The following EVPL variants were observed in gnomAD, a reference collection of about 807,000 sequenced individuals.
EVPL encodes the protein 210 kDa cornified envelope precursor protein.
In EVPL, 94 loss-of-function variants were observed where a neutral mutation model predicts 129.7. That is an observed-to-expected ratio of 0.72 (90% CI 0.61 to 0.86). EVPL has a LOEUF of 0.86. Among genes scored for constraint, EVPL ranks in the 40% least tolerant of loss-of-function variants. EVPL has a pLI of 0.00. For synonymous variants in EVPL, 1,172 were observed against 1,191.1 expected, an observed-to-expected ratio of 0.98 and a Z score of 0.33; for missense variants, 2,625 against 2,721.1, an observed-to-expected ratio of 0.96 and a Z score of 0.79.
At chr17:76,011,960 C>G (rs780192890) in intron 19 of EVPL, 46 bp downstream of exon 19, 1 of 1,602,096 alleles carries the variant, frequency 6.2e-7, no homozygotes, top group Non-Finnish European at 8.5e-7. Context: ...GGAAGAGGGA[C>G]AAGGGTGATG....
intron 9 of EVPL, 81 bp downstream of exon 9, chr17:76,021,387 T>G (rs2066455870): frequency 6.7e-6 from 9 of 1,344,002 alleles, no homozygotes; most frequent in Middle Eastern, 4.0e-4. Context: ...GCAGTGCCTC[T>G]CCTGTGGGCA....
chr17:76,026,801 C>T (rs1172162677), intron 1 of EVPL, among the ~76,000 whole-genome samples: 2 of 152,252 alleles, frequency 1.3e-5, no homozygotes, highest in Non-Finnish European at 2.9e-5. Flanking sequence ...CGTGCAGGCT[C>T]CTGTCCAGCA....
rs367629091 is a variant in EVPL, at chr17:76,007,579, G to A, written c.5626C>T (p.Arg1876Cys). 4 of 1,614,012 alleles carry A rather than the reference G, an allele frequency of 2.5e-6. No individual in the cohort carries two copies. Among genetic ancestry groups the A allele is most frequent in the South Asian group, 1.1e-5 (1 of 91,084 alleles). ...GGIVDLLSRE[R>C]YSVHKAMERG... ...TCCATCGCCTTGTGCACAGAGTAGC[G>A]CTCACGGCTGAGCAGGTCCACGATG... The change falls in exon 22 of 22, where the codon CGC becomes TGC. Residue 1876 changes from arginine to cysteine, a missense_variant. This residue lies in a region of EVPL where 1,453 missense variants were observed against 1,511.8 expected (regional missense o/e 0.96). Transcript: ENST00000301607. This position sits in a 1 kb window ranked among gnomAD's most constrained non-coding sequence, Gnocchi z 8.8.
rs1163564457 is a variant in EVPL at position 76,008,546 on chromosome 17, C to T, written c.4659G>A (p.Arg1553=). Residue 1553 remains arginine, a synonymous_variant, in exon 22 of 22, where the codon CGG becomes CGA. Transcript: ENST00000301607. This position sits in a 1 kb window ranked among gnomAD's most constrained non-coding sequence, Gnocchi z 7.4. The stretch of plus-strand genomic sequence containing the variant: ...CCCGCAGGCGCCGTGCCTCCTCCTC[C>T]CGGGCCTGCCGGGCCGTGCGCTCCC... ...LNRERTARQA[R]EEEARRLRER... is the part of the protein sequence containing the mutation. 1.2e-6 allele frequency: 2 copies of T among 1,608,264 alleles called. No individual in the cohort carries two copies. Among genetic ancestry groups the T allele is most frequent in the East Asian group, 2.2e-5 (1 of 44,866 alleles).
chr17:76,008,827 T>G lies in EVPL; in HGVS notation c.4378A>C (p.Ile1460Leu), dbSNP rs746741512. Reference sequence around the variant, plus strand: ...AGCTTGACCACTTCCTCCATGATGATCTTCTCCTGCACCGTGGGAGGCCGC... The same window carrying G: ...AGCTTGACCACTTCCTCCATGATGAGCTTCTCCTGCACCGTGGGAGGCCGC... Reference protein sequence around the residue: ...EKRPPTVQEKIIMEEVVKLEK... With the variant: ...EKRPPTVQEKLIMEEVVKLEK... The change falls in exon 22 of 22, where the codon ATC (isoleucine) becomes CTC (leucine). Residue 1460 changes from isoleucine (I) to leucine (L), a missense_variant. Around this residue, in one of 4 missense-constraint regions of EVPL, gnomAD observed 1,453 missense variants for 1,511.8 expected, o/e 0.96. Coordinates refer to ENST00000301607, the MANE Select transcript of EVPL (RefSeq NM_001988.4). This position sits in a 1 kb window ranked among gnomAD's most constrained non-coding sequence, Gnocchi z 7.4. 1 of 1,613,978 alleles carries G rather than the reference T, an allele frequency of 6.2e-7. No homozygotes were observed. Among genetic ancestry groups the G allele is most frequent in the Non-Finnish European group, 8.5e-7 (1 of 1,179,964 alleles).
Position 76,015,551 on chromosome 17 carries a change from C to T in EVPL, c.1788G>A (p.Thr596=), listed in dbSNP as rs146194499. Residue 596 remains threonine (T), a synonymous_variant, in exon 15 of 22, where the codon ACG becomes ACA. Transcript: ENST00000301607. ...AQKECEAFLS[T]RPVGPAALQL... ...GCAGGGCAGCGGGGCCCACGGGCCG[C>T]GTGGACAGAAACGCCTCGCACTCCT... The T allele has an allele frequency of 8.1e-6, 13 of 1,613,050 alleles. No homozygotes were observed. The African/African-American group carries it at 1.5e-4, about 18-fold the overall frequency.
rs1354760734 is a variant in EVPL, at chr17:76,021,508, C to T, written c.971G>A (p.Cys324Tyr). Reference sequence around the variant, plus strand: ...CACGTGCTGCAGCTGGGTCTCCTGGCAGATACACAGGTTCAGGAAGTTCTG... The same window carrying T: ...CACGTGCTGCAGCTGGGTCTCCTGGTAGATACACAGGTTCAGGAAGTTCTG... The part of the protein sequence containing the change: ...EWQNFLNLCI[C>Y]QETQLQHVED... The change falls in exon 9 of 22, where the codon TGC becomes TAC. Residue 324 changes from cysteine (C) to tyrosine (Y), a missense_variant. By Grantham distance (194) the Cys-to-Tyr change is radical. Around this residue, in one of 4 missense-constraint regions of EVPL, gnomAD observed 1,024 missense variants for 997.5 expected, o/e 1.03. Transcript: ENST00000301607. 2.5e-6 allele frequency: 4 copies of T among 1,610,118 alleles called. No individual in the cohort carries two copies. In the Admixed American group the frequency reaches 5.0e-5, roughly 20 times the overall value.
intron 18 of EVPL, 145 bp downstream of exon 18, chr17:76,014,281 G>T: frequency 8.5e-7 from 1 of 1,177,020 alleles, no homozygotes; most frequent in Non-Finnish European, 1.2e-6. Flanking sequence ...CCCGTCTGTG[G>T]GCAAAGAGGA....
intron 1 of EVPL, among the ~76,000 whole-genome samples, chr17:76,025,559 C>T (rs2066492775): frequency 1.3e-5 from 2 of 152,304 alleles, no homozygotes; most frequent in South Asian, 4.1e-4. Context: ...ATGGCTGCTC[C>T]CACCGGGAGC....
Position 76,012,742 on chromosome 17 carries a change from C to CT in EVPL, c.2374-654dup, listed in dbSNP as rs56349197. Among the ~76,000 whole-genome samples, 393 of 117,524 alleles carry CT rather than the reference C, an allele frequency of 3.3e-3. 1 individual carries two copies. The highest frequency in any genetic ancestry group is 7.9e-3 in the African/African-American group (242 of 30,578). The allele number at this position is 117,524 out of a possible 152,430, so 77.1% of individuals were successfully genotyped here. On this transcript the variant is annotated intron_variant, in intron 18 of 21. Coordinates refer to ENST00000301607, the MANE Select transcript of EVPL (RefSeq NM_001988.4). Reference sequence around the variant, plus strand: ...CTGAGAATTCATATTTCTTTCTTTTCTTTTTTTTTTTTTTTTTTTTGAGAC... The same window carrying CT: ...CTGAGAATTCATATTTCTTTCTTTTCTTTTTTTTTTTTTTTTTTTTTGAGAC...
intron 9 of EVPL, 120 bp from the exon 10 acceptor site, chr17:76,019,773 CAA>C: frequency 7.8e-7 from 1 of 1,285,044 alleles, no homozygotes; most frequent in Non-Finnish European, 1.0e-6. Context: ...CAGCTAAACA[CAA>C]ACCAGCTAAA....
Position 76,007,069 on chromosome 17 carries a change from C to T in EVPL, c.*34G>A. ...GGTGTACGTATCCTACCTGGCCCAA[C>T]ACACGCACTTCCCCACTGGCTCCTT... On this transcript the variant is annotated 3_prime_UTR_variant, in exon 22 of 22. Coordinates refer to ENST00000301607, the MANE Select transcript of EVPL (RefSeq NM_001988.4). This position sits in a 1 kb window ranked among gnomAD's most constrained non-coding sequence, Gnocchi z 8.8. 7.0e-7 allele frequency: 1 copy of T among 1,429,062 alleles called. No individual in the cohort carries two copies. The highest frequency in any genetic ancestry group is 1.7e-5 in the South Asian group (1 of 58,080). The allele number at this position is 1,429,062 out of a possible 1,614,324, so 88.5% of individuals were successfully genotyped here.
rs1414341060 is a variant in EVPL at position 76,008,172 on chromosome 17, C to T, written c.5033G>A (p.Arg1678Gln). 1.2e-6 allele frequency: 2 copies of T among 1,614,154 alleles called. No individual in the cohort carries two copies. Among genetic ancestry groups the T allele is most frequent in the Admixed American group, 1.7e-5 (1 of 60,034 alleles). Reference protein sequence around the residue: ...REELSQETQTRETNLSTKISI... With the variant: ...REELSQETQTQETNLSTKISI... ...GATCTTGGTGGAAAGGTTGGTCTCT[C>T]GCGTCTGGGTCTCCTGGCTGAGCTC... The change falls in exon 22 of 22, where the codon CGA becomes CAA. Residue 1678 changes from arginine to glutamine, a missense_variant. Physicochemically the swap from Arg to Gln is conservative, Grantham distance 43. This residue lies in a region of EVPL where 1,453 missense variants were observed against 1,511.8 expected (regional missense o/e 0.96). Coordinates refer to ENST00000301607, the MANE Select transcript of EVPL (RefSeq NM_001988.4). This position sits in a 1 kb window ranked among gnomAD's most constrained non-coding sequence, Gnocchi z 7.4.
In EVPL at chr17:76,008,759, C is replaced by T; in HGVS notation, c.4446G>A (p.Arg1482=). ...PDLEKSTEAL[R]WDLDQEKTQV... The stretch of plus-strand genomic sequence containing the variant: ...GGGTCTTCTCCTGGTCCAGGTCCCA[C>T]CGCAGGGCTTCCGTGGACTTCTCCA... The change falls in exon 22 of 22, where the codon CGG becomes CGA. Residue 1482 remains arginine (R), a synonymous_variant. Transcript: ENST00000301607. The surrounding 1 kb of genome is among the most constrained non-coding windows in gnomAD (Gnocchi z 7.4). 1 of 1,614,186 alleles carries T rather than the reference C, an allele frequency of 6.2e-7. No individual in the cohort carries two copies. Among genetic ancestry groups the T allele is most frequent in the Non-Finnish European group, 8.5e-7 (1 of 1,180,040 alleles).
At chr17:76,017,469 C>A (rs1172867482) in intron 14 of EVPL, among the ~76,000 whole-genome samples, 1 of 152,140 alleles carries the variant, frequency 6.6e-6, no homozygotes, top group Non-Finnish European at 1.5e-5. Context: ...CCTACTGGAA[C>A]CTTCCTGAAT....
chr17:76,011,501 G>T, intron 21 of EVPL, 75 bp downstream of exon 21: 1 of 1,299,354 alleles, frequency 7.7e-7, no homozygotes, highest in Non-Finnish European at 1.1e-6. Flanking sequence ...TGACAGCCTG[G>T]CATTTTGGGA....
rs914320714 is a variant in EVPL, at chr17:76,008,890, G to T, written c.4315C>A (p.Leu1439Met). 5 of 1,613,770 alleles carry T rather than the reference G, an allele frequency of 3.1e-6. No homozygotes were observed. The highest frequency in any genetic ancestry group is 1.6e-4 in the Middle Eastern group (1 of 6,062). Reference sequence around the variant, plus strand: ...TGGATCCTCAAGGTCAGCTGCCGCAGCTCCCTCTCCACGGCCAGCTTCTTG... The same window carrying T: ...TGGATCCTCAAGGTCAGCTGCCGCATCTCCCTCTCCACGGCCAGCTTCTTG... ...RSKKLAVERE[L>M]RQLTLRIQEL... The change falls in exon 22 of 22, where the codon CTG becomes ATG. Residue 1439 changes from leucine to methionine, a missense_variant. Leu to Met is a conservative substitution (Grantham distance 15). Around this residue, in one of 4 missense-constraint regions of EVPL, gnomAD observed 1,453 missense variants for 1,511.8 expected, o/e 0.96. Transcript: ENST00000301607. This position sits in a 1 kb window ranked among gnomAD's most constrained non-coding sequence, Gnocchi z 7.4.
Position 76,014,959 on chromosome 17 carries a change from G to T in EVPL, c.2179C>A (p.Leu727Ile). 6.3e-7 allele frequency: 1 copy of T among 1,595,286 alleles called. No individual in the cohort carries two copies. Residue 727 changes from leucine (L) to isoleucine (I), a missense_variant, in exon 17 of 22, where the codon CTC becomes ATC. By Grantham distance (5) the Leu-to-Ile change is conservative. Around this residue, in one of 4 missense-constraint regions of EVPL, gnomAD observed 1,024 missense variants for 997.5 expected, o/e 1.03. Coordinates refer to ENST00000301607, the MANE Select transcript of EVPL (RefSeq NM_001988.4). Reference protein sequence around the residue: ...LPRQQRQVRALTDRYHAVGDQ... With the variant: ...LPRQQRQVRAITDRYHAVGDQ... Reference sequence around the variant, plus strand: ...CCTACGGCGTGGTAGCGGTCGGTGAGGGCTCGCACCTGGCGCTGCTGGCGA... The same window carrying T: ...CCTACGGCGTGGTAGCGGTCGGTGATGGCTCGCACCTGGCGCTGCTGGCGA...
chr17:76,013,661 C>G lies in EVPL; in HGVS notation c.2373+765G>C, dbSNP rs567138680. On this transcript the variant is annotated intron_variant, in intron 18 of 21. Transcript: ENST00000301607. The surrounding 1 kb of genome is among the most constrained non-coding windows in gnomAD (Gnocchi z 4.3). Reference sequence around the variant, plus strand: ...CTGCCATCTCCATCTCAGATCTGCCCACCTCGCCCTGTGCCATGGTCCCTT... The same window carrying G: ...CTGCCATCTCCATCTCAGATCTGCCGACCTCGCCCTGTGCCATGGTCCCTT... Among the ~76,000 whole-genome samples, 1 of 152,332 alleles carries G rather than the reference C, an allele frequency of 6.6e-6. No homozygotes were observed. The highest frequency in any genetic ancestry group is 2.1e-4 in the South Asian group (1 of 4,830).
Sources: allele counts gnomAD v4.1 joint callset (sites outside exome capture counted in the v4.1 genomes callset), GRCh38; gene constraint gnomAD v4.1.1; regional missense constraint gnomAD v4.1.1; non-coding constraint Gnocchi (gnomAD v3.1); transcripts MANE v1.5; gene names NCBI Gene and HGNC (gene_info 2026-07-23, HGNC 2026-07-21).